SLC26A5: variants seen among roughly 807,000 people sequenced by gnomAD.
SLC26A5 encodes the protein solute carrier family 26 member 5.
SLC26A5 carries 51 observed loss-of-function variants against 81.0 expected under a neutral mutation model. The observed-to-expected ratio is 0.63, with a 90% confidence interval of 0.50 to 0.80. The LOEUF (loss-of-function observed/expected upper bound fraction) is 0.80. Ranked by LOEUF, SLC26A5 falls within the 30% of genes least tolerant of loss-of-function variation. The probability of loss-of-function intolerance (pLI) is 0.00; values close to 1 mark genes in which losing one functional copy is unlikely to be tolerated. For synonymous variants in SLC26A5, 325 were observed against 332.8 expected, an observed-to-expected ratio of 0.98 and a Z score of 0.25; for missense variants, 771 against 905.8, an observed-to-expected ratio of 0.85 and a Z score of 1.91.
chr7:103,364,550 T>C (rs1192299877), intron 19 of SLC26A5, among the ~76,000 whole-genome samples: 1 of 152,082 alleles, frequency 6.6e-6, no homozygotes, highest in African/African-American at 2.4e-5. Flanking sequence ...GCTGAGACCA[T>C]GGCTACATGC....
intron 19 of SLC26A5, 39 bp from the exon 20 acceptor site, chr7:103,374,631 A>G (rs1264594748): frequency 3.1e-6 from 5 of 1,591,656 alleles, no homozygotes; most frequent in South Asian, 1.1e-5. Flanking sequence ...CACACTCTGG[A>G]TATCAGTCTT....
intron 8 of SLC26A5, among the ~76,000 whole-genome samples, chr7:103,400,239 C>T (rs1823477872): frequency 6.6e-6 from 1 of 152,200 alleles, no homozygotes; most frequent in South Asian, 2.1e-4. Flanking sequence ...TCTGTTGTTT[C>T]CTGATTTTTA....
At chr7:103,403,990 C>T (rs998291452) in intron 8 of SLC26A5, among the ~76,000 whole-genome samples, 3 of 152,094 alleles carry the variant, frequency 2.0e-5, no homozygotes, top group Non-Finnish European at 4.4e-5. Context: ...CGAGACCAGC[C>T]TGGCCAACAT....
intron 2 of SLC26A5, among the ~76,000 whole-genome samples, chr7:103,442,353 G>T (rs1419748319): frequency 6.6e-6 from 1 of 152,030 alleles, no homozygotes; most frequent in Non-Finnish European, 1.5e-5. Flanking sequence ...GGCCAAGCTG[G>T]TCTCGAACTC....
At chr7:103,398,051 GA>G in intron 8 of SLC26A5, 37 bp from the exon 9 acceptor site, 1 of 1,517,698 alleles carries the variant, frequency 6.6e-7, no homozygotes, top group Non-Finnish European at 9.2e-7. Flanking sequence ...CTTTAGAGAT[GA>G]ATGTTCAAAT....
intron 2 of SLC26A5, among the ~76,000 whole-genome samples, chr7:103,434,130 G>T (rs1382134540): frequency 6.6e-6 from 1 of 152,056 alleles, no homozygotes; most frequent in Non-Finnish European, 1.5e-5. Context: ...CATTTTGCTG[G>T]AGTGCATCCT....
chr7:103,361,867 A>G, intron 19 of SLC26A5: 1 of 1,288,912 alleles, frequency 7.8e-7, no homozygotes, highest in Non-Finnish European at 1.1e-6. Flanking sequence ...TTATACCTGT[A>G]TATTGCACAC....
Position 103,377,810 on chromosome 7 carries a change from A to T in SLC26A5, c.1786-11T>A. ...ATCTACTTCTGCATCCTGTGTCAAA[A>T]ATTAAACCAAACCAGAATTTTATGA... is the stretch of plus-strand genomic sequence containing the variant. On this transcript the variant is annotated splice_polypyrimidine_tract_variant and intron_variant, in intron 17 of 19. Transcript: ENST00000306312. 3 of 1,613,028 alleles carry T rather than the reference A, an allele frequency of 1.9e-6. No individual in the cohort carries two copies. Among genetic ancestry groups the T allele is most frequent in the Middle Eastern group, 1.7e-4 (1 of 5,998 alleles).
intron 2 of SLC26A5, among the ~76,000 whole-genome samples, chr7:103,434,448 C>G (rs1826301999): frequency 6.6e-6 from 1 of 152,064 alleles, no homozygotes; most frequent in African/African-American, 2.4e-5. Flanking sequence ...ACTTGATGGG[C>G]CTTTTAACCT....
At chr7:103,427,112 T>A (rs2116768468) in intron 2 of SLC26A5, among the ~76,000 whole-genome samples, 1 of 152,026 alleles carries the variant, frequency 6.6e-6, no homozygotes, top group African/African-American at 2.4e-5. Context: ...CTCACTCTGT[T>A]GCCTAGGCTG....
chr7:103,394,997 C>A (rs1389930995), intron 9 of SLC26A5, among the ~76,000 whole-genome samples: 1 of 152,196 alleles, frequency 6.6e-6, no homozygotes, highest in African/African-American at 2.4e-5. Flanking sequence ...TCCAGTGACT[C>A]CAGATGAAGT....
chr7:103,405,578 C>A (rs113811442), intron 8 of SLC26A5, among the ~76,000 whole-genome samples: 1 of 152,144 alleles, frequency 6.6e-6, no homozygotes, highest in Non-Finnish European at 1.5e-5. Flanking sequence ...GAGGGGCACC[C>A]GCCATATGCC....
At chr7:103,435,944 T>C (rs1011732073) in intron 2 of SLC26A5, among the ~76,000 whole-genome samples, 1 of 152,188 alleles carries the variant, frequency 6.6e-6, no homozygotes, top group African/African-American at 2.4e-5. Flanking sequence ...GACTTGTTAT[T>C]ATTGACCATT....
chr7:103,392,730 A>C (rs1472534467), intron 10 of SLC26A5, among the ~76,000 whole-genome samples, 189 bp downstream of exon 10: 1 of 152,146 alleles, frequency 6.6e-6, no homozygotes, highest in African/African-American at 2.4e-5. Flanking sequence ...GGGGCCTGCC[A>C]CCATGCCCGG....
At chr7:103,393,188 A>G in intron 9 of SLC26A5, 122 bp from the exon 10 acceptor site, 1 of 1,232,952 alleles carries the variant, frequency 8.1e-7, no homozygotes, top group Non-Finnish European at 1.1e-6. Context: ...CAATGCTTGG[A>G]TACTTATTTG....
chr7:103,365,518 C>T lies in SLC26A5; in HGVS notation c.2041+11290G>A, dbSNP rs189309994. On this transcript the variant is annotated intron_variant, in intron 19 of 19. Coordinates refer to the SLC26A5 transcript ENST00000339444. ...GTGGCGCATGTCTGTAATCCCAGCT[C>T]CTCGGGAGGCCGAGGCATGAGAATC... 3.9e-5 allele frequency among the ~76,000 whole-genome samples: 6 copies of T among 152,156 alleles called. No homozygotes were observed. The East Asian group carries it at 1.2e-3, about 29-fold the overall frequency.
intron 14 of SLC26A5, among the ~76,000 whole-genome samples, chr7:103,387,128 C>T (rs1021301341): frequency 6.6e-6 from 1 of 152,194 alleles, no homozygotes; most frequent in Admixed American, 6.5e-5. Flanking sequence ...CTTACATATG[C>T]TAATAAAGTT....
At chr7:103,389,538 A>G (rs1822477274) in intron 12 of SLC26A5, 114 bp from the exon 13 acceptor site, 2 of 772,702 alleles carry the variant, frequency 2.6e-6, no homozygotes, top group African/African-American at 3.4e-5. Context: ...CTCACTTCCT[A>G]TATGGCACCG....
Position 103,364,431 on chromosome 7 carries a change from CAG to C in SLC26A5, c.2042-11507_2042-11506del, listed in dbSNP as rs547930987. On this transcript the variant is annotated intron_variant, in intron 19 of 19. Coordinates refer to the SLC26A5 transcript ENST00000339444. ...AAATTTCTTTTTTCTTTTGTTGAGA[CAG>C]AGTCTCATTGTGTTGCCCAGGCTGG... 489 of 1,104,844 alleles carry C rather than the reference CAG, an allele frequency of 4.4e-4. 2 individuals carry two copies. The African/African-American group carries it at 6.7e-3, about 15-fold the overall frequency. The allele number at this position is 1,104,844 out of a possible 1,614,324, so 68.4% of individuals were successfully genotyped here. A position where few individuals can be genotyped will look rare whatever the true frequency, so the allele number is the denominator to read the frequency against.
Sources: gnomAD v4.1 joint callset for allele counts (sites outside exome capture counted in the v4.1 genomes callset) on GRCh38, gnomAD v4.1.1 for gene constraint, MANE v1.5 for transcripts, NCBI Gene and HGNC (gene_info 2026-07-23, HGNC 2026-07-21) for gene names.